ZNF214: variants seen among roughly 807,000 people sequenced by gnomAD.
ZNF214 encodes the protein zinc finger protein 214.
In ZNF214, 43 loss-of-function variants were observed where a neutral mutation model predicts 53.9. The observed-to-expected ratio is 0.80, with a 90% CI of 0.63 to 1.03. The LOEUF (loss-of-function observed/expected upper bound fraction) is 1.03. Among genes scored for constraint, ZNF214 ranks in the 50% least tolerant of loss-of-function variants. The probability of loss-of-function intolerance (pLI) is 0.00; values close to 1 mark genes in which losing one functional copy is unlikely to be tolerated. For synonymous variants in ZNF214, 217 were observed against 229.5 expected (o/e 0.95, Z 0.49); for missense variants, 724 against 719.1 (o/e 1.01, Z -0.08).
chr11:7,006,928 A>C (rs1851483712), intron 1 of ZNF214, among the ~76,000 whole-genome samples: 1 of 152,076 alleles, frequency 6.6e-6, no homozygotes, highest in African/African-American at 2.4e-5. Flanking sequence ...GCTGCATGAA[A>C]TATGACAAGA....
At chr11:7,010,907 A>G (rs1851592600) in intron 1 of ZNF214, among the ~76,000 whole-genome samples, 1 of 151,862 alleles carries the variant, frequency 6.6e-6, no homozygotes, top group Non-Finnish European at 1.5e-5. Context: ...ATAGGCAAAT[A>G]CACCTAAATA....
rs1851236987 is a variant in ZNF214, at chr11:6,998,436, C to G, written c.*1426G>C. 6.6e-6 allele frequency among the ~76,000 whole-genome samples: 1 copy of G among 151,952 alleles called. No individual in the cohort carries two copies. The highest frequency in any genetic ancestry group is 2.1e-4 in the South Asian group (1 of 4,824). ...TTAATTCTCACACTGGACCTCCATC[C>G]TCTGATATTCATATCTGTTCTTTCT... On this transcript the variant is annotated 3_prime_UTR_variant, in exon 3 of 3. Coordinates refer to ENST00000278314, the MANE Select transcript of ZNF214 (RefSeq NM_013249.4).
At position 7,001,193 on chromosome 11, in the gene ZNF214, C is replaced by G. The variant is rs758318452; in HGVS notation, c.490G>C (p.Gly164Arg). The change falls in exon 3 of 3, where the codon GGG (glycine) becomes CGG (arginine). Residue 164 changes from glycine (G) to arginine (R), a missense_variant. Physicochemically the swap from Gly to Arg is moderately radical, Grantham distance 125. Coordinates refer to ENST00000278314, the MANE Select transcript of ZNF214 (RefSeq NM_013249.4). Reference protein sequence around the residue: ...IYMSGSHGFQGGRYRLGISRK... With the variant: ...IYMSGSHGFQRGRYRLGISRK... Reference sequence around the variant, plus strand: ...GATATGCCAAGACGGTATCTGCCCCCTTGAAAACCATGTGAACCACTCATG... The same window carrying G: ...GATATGCCAAGACGGTATCTGCCCCGTTGAAAACCATGTGAACCACTCATG... 1 of 1,613,262 alleles carries G rather than the reference C, an allele frequency of 6.2e-7. No homozygotes were observed. The highest frequency in any genetic ancestry group is 8.5e-7 in the Non-Finnish European group (1 of 1,179,522).
Position 7,000,165 on chromosome 11 carries a change from T to A in ZNF214, c.1518A>T (p.Gly506=), listed in dbSNP as rs771218003. The change falls in exon 3 of 3, where the codon GGA becomes GGT. Residue 506 remains glycine (G), a synonymous_variant. Transcript: ENST00000278314. ...TGAGAAGATGTGAACGCTGACTGAA[T>A]CCCTTGCCACACTCTTCACATTTGT... ...KPYKCEECGK[G]FSQRSHLLIH... is the part of the protein sequence containing the mutation. 4.3e-6 allele frequency: 7 copies of A among 1,612,890 alleles called. No individual in the cohort carries two copies. In the East Asian group the frequency reaches 8.9e-5, roughly 21 times the overall value.
chr11:7,000,174 A>C lies in ZNF214; in HGVS notation c.1509T>G (p.Cys503Trp). ...GTGAACGCTGACTGAATCCCTTGCC[A>C]CACTCTTCACATTTGTAGGGTTTCT... is the stretch of plus-strand genomic sequence containing the variant. The part of the protein sequence containing the change: ...TGEKPYKCEE[C>W]GKGFSQRSHL... The change falls in exon 3 of 3, where the codon TGT becomes TGG. Residue 503 changes from cysteine to tryptophan, a missense_variant. By Grantham distance (215) the Cys-to-Trp change is radical (BLOSUM62 -2). Transcript: ENST00000278314. 1 of 1,613,326 alleles carries C rather than the reference A, an allele frequency of 6.2e-7. No individual in the cohort carries two copies. Among genetic ancestry groups the C allele is most frequent in the Non-Finnish European group, 8.5e-7 (1 of 1,179,580 alleles).
At chr11:7,014,360 CAACAA>C (rs989860272) in intron 1 of ZNF214, among the ~76,000 whole-genome samples, 108 of 152,216 alleles carry the variant, frequency 7.1e-4, no homozygotes, top group African/African-American at 2.4e-3. Context: ...AAAAGTCCAA[CAACAA>C]AACAGATAAG....
chr11:7,003,859 GTATT>G (rs1851415315), intron 1 of ZNF214, among the ~76,000 whole-genome samples: 1 of 151,760 alleles, frequency 6.6e-6, no homozygotes, highest in Admixed American at 6.6e-5. Context: ...TCAGAGCCAT[GTATT>G]TAAATACCTA....
In ZNF214 at chr11:7,000,436, C is replaced by T; in HGVS notation, c.1247G>A (p.Cys416Tyr). The T allele has an allele frequency of 6.2e-7, 1 of 1,613,412 alleles. No homozygotes were observed. The highest frequency in any genetic ancestry group is 8.5e-7 in the Non-Finnish European group (1 of 1,179,588). ...GGTAAAGCCTTTACCACAGTCTTCA[C>T]ATTTATAAGACTTCTCTCCTGTGTG... ...LVHTGEKSYK[C>Y]EDCGKGFTQR... The change falls in exon 3 of 3, where the codon TGT becomes TAT. Residue 416 changes from cysteine to tyrosine, a missense_variant. Cys to Tyr is a radical substitution (Grantham distance 194). Coordinates refer to ENST00000278314, the MANE Select transcript of ZNF214 (RefSeq NM_013249.4).
At chr11:7,011,897 TACAAA>T (rs1231020866) in intron 1 of ZNF214, among the ~76,000 whole-genome samples, 2 of 152,038 alleles carry the variant, frequency 1.3e-5, no homozygotes, top group Non-Finnish European at 2.9e-5. Flanking sequence ...TAACCAAGAA[TACAAA>T]TAATTATTTG....
chr11:7,014,933 C>T (rs374915315), intron 1 of ZNF214, among the ~76,000 whole-genome samples: 4 of 151,520 alleles, frequency 2.6e-5, no homozygotes, highest in African/African-American at 4.8e-5. Context: ...CAGTGTATGC[C>T]GAGTTCAATG....
rs1053102262 is a variant in ZNF214, at chr11:6,997,131, G to A, written c.*2731C>T. Reference sequence around the variant, plus strand: ...TTTATTATTTTCATTCTGCATTTTTGTAAATTAAAAACCAGATTTTTTGAC... The same window carrying A: ...TTTATTATTTTCATTCTGCATTTTTATAAATTAAAAACCAGATTTTTTGAC... On this transcript the variant is annotated 3_prime_UTR_variant, in exon 3 of 3. Coordinates refer to ENST00000278314, the MANE Select transcript of ZNF214 (RefSeq NM_013249.4). Among the ~76,000 whole-genome samples, 6 of 151,514 alleles carry A rather than the reference G, an allele frequency of 4.0e-5. No homozygotes were observed. Among genetic ancestry groups the A allele is most frequent in the Non-Finnish European group, 8.9e-5 (6 of 67,732 alleles).
chr11:7,011,359 G>A (rs966644059), intron 1 of ZNF214, among the ~76,000 whole-genome samples: 2 of 151,882 alleles, frequency 1.3e-5, no homozygotes, highest in African/African-American at 4.8e-5. Flanking sequence ...TGCAAGGATC[G>A]TTCAACATGA....
chr11:7,012,046 C>T (rs188788910), intron 1 of ZNF214, among the ~76,000 whole-genome samples: 50 of 152,174 alleles, frequency 3.3e-4, no homozygotes, highest in East Asian at 1.9e-4. Flanking sequence ...TTCTGAGGAA[C>T]GCAATAGACT....
rs769972821 is a variant in ZNF214 at position 7,000,629 on chromosome 11, G to T, written c.1054C>A (p.His352Asn). ...NSLLHIHQRL[H>N]IGEKPFKCNQ... Reference sequence around the variant, plus strand: ...CATTTAAAAGGCTTCTCTCCTATGTGAAGTCTCTGGTGAATGTGAAGTAAT... The same window carrying T: ...CATTTAAAAGGCTTCTCTCCTATGTTAAGTCTCTGGTGAATGTGAAGTAAT... The change falls in exon 3 of 3, where the codon CAC (histidine) becomes AAC (asparagine). Residue 352 changes from histidine (H) to asparagine (N), a missense_variant. His to Asn is a moderately conservative substitution (Grantham distance 68). Transcript: ENST00000278314. The T allele has an allele frequency of 2.5e-6, 4 of 1,602,674 alleles. No homozygotes were observed. In the South Asian group the frequency reaches 4.5e-5, roughly 18 times the overall value.
chr11:7,013,000 G>A (rs1851641486), intron 1 of ZNF214, among the ~76,000 whole-genome samples: 1 of 28,958 alleles, frequency 3.5e-5, no homozygotes, highest in African/African-American at 6.9e-5. Context: ...GCTTGACTGA[G>A]AAGAAGGATT....
chr11:7,010,004 C>T (rs970140601), intron 1 of ZNF214, among the ~76,000 whole-genome samples: 7 of 152,084 alleles, frequency 4.6e-5, no homozygotes, highest in Admixed American at 2.0e-4. Flanking sequence ...TTGTGGAAAG[C>T]GGTGTGGTGA....
chr11:7,001,209 A>G lies in ZNF214; in HGVS notation c.474T>C (p.Gly158=), dbSNP rs748236468. ...QDYGREIYMS[G]SHGFQGGRYR... Reference sequence around the variant, plus strand: ...ATCTGCCCCCTTGAAAACCATGTGAACCACTCATGTAGATTTCTCTACCAT... The same window carrying G: ...ATCTGCCCCCTTGAAAACCATGTGAGCCACTCATGTAGATTTCTCTACCAT... Residue 158 remains glycine (G), a synonymous_variant, in exon 3 of 3, where the codon GGT becomes GGC. Coordinates refer to ENST00000278314, the MANE Select transcript of ZNF214 (RefSeq NM_013249.4). 14 of 1,613,060 alleles carry G rather than the reference A, an allele frequency of 8.7e-6. No homozygotes were observed. The highest frequency in any genetic ancestry group is 1.3e-5 in the African/African-American group (1 of 74,860).
chr11:7,003,099 T>A (rs1188937868), intron 1 of ZNF214, among the ~76,000 whole-genome samples: 1 of 151,996 alleles, frequency 6.6e-6, no homozygotes, highest in Admixed American at 6.6e-5. Context: ...TATATTTCAG[T>A]TACTCCTCAC....
Position 7,000,372 on chromosome 11 carries a change from T to C in ZNF214, c.1311A>G (p.Thr437=), listed in dbSNP as rs1189593658. 1 of 1,613,472 alleles carries C rather than the reference T, an allele frequency of 6.2e-7. No individual in the cohort carries two copies. The highest frequency in any genetic ancestry group is 2.2e-5 in the East Asian group (1 of 44,856). Reference sequence around the variant, plus strand: ...CATCACATTTATAAGGTTTCTCTCCTGTATGCACTCTCTGATGAATTTGAA... The same window carrying C: ...CATCACATTTATAAGGTTTCTCTCCCGTATGCACTCTCTGATGAATTTGAA... ...SNLQIHQRVH[T]GEKPYKCDDC... is the part of the protein sequence containing the mutation. Residue 437 remains threonine, a synonymous_variant, in exon 3 of 3, where the codon ACA becomes ACG. Coordinates refer to ENST00000278314, the MANE Select transcript of ZNF214 (RefSeq NM_013249.4).
Sources: allele counts gnomAD v4.1 joint callset (sites outside exome capture counted in the v4.1 genomes callset), GRCh38; gene constraint gnomAD v4.1.1; transcripts MANE v1.5; gene names NCBI Gene and HGNC (gene_info 2026-07-23, HGNC 2026-07-21).